Variants in TPST1 observed in about 807,000 individuals in gnomAD.
TPST1 encodes the protein protein-tyrosine sulfotransferase 1.
TPST1 carries 20 observed loss-of-function variants against 34.8 expected under a neutral mutation model. The ratio of observed to expected loss-of-function variants is 0.57; its 90% confidence interval spans 0.40 to 0.84. TPST1 has a LOEUF of 0.84. Among genes scored for constraint, TPST1 ranks in the 40% least tolerant of loss-of-function variants. The probability of loss-of-function intolerance (pLI) is 0.00; values close to 1 mark genes in which losing one functional copy is unlikely to be tolerated. For missense variants in TPST1, 353 were observed against 455.5 expected, an observed-to-expected ratio of 0.78 and a Z score of 2.05; for synonymous variants, 152 against 159.4, an observed-to-expected ratio of 0.95 and a Z score of 0.35.
chr7:66,307,361 G>T lies in TPST1; in HGVS notation c.1044+20652G>T, dbSNP rs369574635. Among the ~76,000 whole-genome samples the T allele has an allele frequency of 3.6e-4, 54 of 149,670 alleles. 5 individuals carry two copies. Among genetic ancestry groups the T allele is most frequent in the African/African-American group, 1.3e-3 (51 of 40,728 alleles). On this transcript the variant is annotated intron_variant, in intron 3 of 5. Transcript: ENST00000304842. Reference sequence around the variant, plus strand: ...TCTCGATCTCTTGACTTCGTGATCCGCCCGCCTCGGCCTCCCAAAGTGCTG... The same window carrying T: ...TCTCGATCTCTTGACTTCGTGATCCTCCCGCCTCGGCCTCCCAAAGTGCTG...
At chr7:66,321,227 G>GT (rs1791750680) in intron 3 of TPST1, among the ~76,000 whole-genome samples, 2 of 152,222 alleles carry the variant, frequency 1.3e-5, no homozygotes, top group Non-Finnish European at 2.9e-5. Flanking sequence ...GACAGGACAT[G>GT]TTTCATTTCC....
chr7:66,315,164 A>G (rs948149570), intron 3 of TPST1, among the ~76,000 whole-genome samples: 3 of 152,262 alleles, frequency 2.0e-5, no homozygotes, highest in Admixed American at 6.5e-5. Context: ...GAGTTTATCA[A>G]AGGAATGACT....
intron 3 of TPST1, among the ~76,000 whole-genome samples, chr7:66,330,553 A>G (rs920860849): frequency 5.3e-5 from 8 of 152,142 alleles, no homozygotes; most frequent in African/African-American, 1.4e-4. Context: ...CACATTTTCT[A>G]CCTTCCACAT....
intron 3 of TPST1, among the ~76,000 whole-genome samples, chr7:66,312,531 GCCTGATATA>G (rs1562839712): frequency 6.6e-6 from 1 of 152,062 alleles, no homozygotes; most frequent in African/African-American, 2.4e-5. Flanking sequence ...GATTACCAGT[GCCTGATATA>G]ATTTCTCCAA....
intron 3 of TPST1, among the ~76,000 whole-genome samples, chr7:66,294,129 CA>C (rs1791144107): frequency 6.6e-6 from 1 of 152,168 alleles, no homozygotes; most frequent in Admixed American, 6.6e-5. Context: ...CGTCCATCTC[CA>C]GAACATTTTT....
At chr7:66,351,508 G>A (rs1407145858) in intron 3 of TPST1, among the ~76,000 whole-genome samples, 2 of 152,138 alleles carry the variant, frequency 1.3e-5, no homozygotes, top group Admixed American at 6.5e-5. Flanking sequence ...AATGTTTAGA[G>A]CTATGTAATG....
At chr7:66,335,237 T>C (rs752243496) in intron 3 of TPST1, among the ~76,000 whole-genome samples, 3 of 152,078 alleles carry the variant, frequency 2.0e-5, no homozygotes, top group Non-Finnish European at 4.4e-5. Flanking sequence ...GGGTGGATAA[T>C]TTGAGCCCAG....
chr7:66,307,372 C>T (rs1791446644), intron 3 of TPST1, among the ~76,000 whole-genome samples: 1 of 152,044 alleles, frequency 6.6e-6, no homozygotes, highest in African/African-American at 2.4e-5. Context: ...CCCGCCTCGG[C>T]CTCCCAAAGT....
intron 2 of TPST1, among the ~76,000 whole-genome samples, chr7:66,281,498 A>G (rs994801795): frequency 6.6e-6 from 1 of 152,112 alleles, no homozygotes; most frequent in Admixed American, 6.5e-5. Flanking sequence ...TACTAATTCA[A>G]TTTAGGAACT....
At chr7:66,278,024 C>T (rs1162960885) in intron 2 of TPST1, among the ~76,000 whole-genome samples, 24 of 137,128 alleles carry the variant, frequency 1.8e-4, no homozygotes, top group African/African-American at 6.1e-4. Flanking sequence ...TGCTTGAGCC[C>T]ATGAGGTGGA....
intron 3 of TPST1, among the ~76,000 whole-genome samples, chr7:66,308,858 C>T (rs1393305506): frequency 1.3e-5 from 2 of 152,100 alleles, no homozygotes; most frequent in East Asian, 1.9e-4. Context: ...ATCAGTCATA[C>T]GTATTAAATA....
chr7:66,312,531 G>A (rs968146263), intron 3 of TPST1, among the ~76,000 whole-genome samples: 2 of 152,062 alleles, frequency 1.3e-5, no homozygotes, highest in African/African-American at 4.8e-5. Context: ...GATTACCAGT[G>A]CCTGATATAA....
At chr7:66,213,776 A>G (rs1457727437) in intron 1 of TPST1, among the ~76,000 whole-genome samples, 2 of 151,452 alleles carry the variant, frequency 1.3e-5, no homozygotes, top group African/African-American at 4.8e-5. Context: ...TGGCTACTTT[A>G]AAATCTCTGT....
chr7:66,202,829 T>A (rs1191652529), upstream of TPST1, among the ~76,000 whole-genome samples: 1 of 152,082 alleles, frequency 6.6e-6, no homozygotes, highest in Non-Finnish European at 1.5e-5. Context: ...ATCCCGTCAC[T>A]TTGGAAGGTG....
intron 1 of TPST1, among the ~76,000 whole-genome samples, chr7:66,226,930 G>T (rs1789667374): frequency 6.7e-6 from 1 of 149,584 alleles, no homozygotes; most frequent in Non-Finnish European, 1.5e-5. Context: ...ATCAATTAGT[G>T]CTACTTTTTG....
At chr7:66,348,132 G>A (rs934947353) in intron 3 of TPST1, among the ~76,000 whole-genome samples, 4 of 151,876 alleles carry the variant, frequency 2.6e-5, no homozygotes, top group African/African-American at 9.7e-5. Context: ...CATCCTATCT[G>A]TTAGGATATC....
chr7:66,214,079 G>C (rs1471399108), intron 1 of TPST1, among the ~76,000 whole-genome samples: 1 of 152,000 alleles, frequency 6.6e-6, no homozygotes, highest in Admixed American at 6.6e-5. Context: ...TTTACTTTTA[G>C]TATATTCATA....
chr7:66,265,100 T>C lies in TPST1; in HGVS notation c.846-21411T>C, dbSNP rs550693678. ...AGAAAGAAATTTGAAGGTAGTTCTATTGACTTTATCTAATTTGAAGAACAG... is the reference window on the plus strand; with the variant it reads ...AGAAAGAAATTTGAAGGTAGTTCTACTGACTTTATCTAATTTGAAGAACAG... On this transcript the variant is annotated intron_variant, in intron 2 of 5. Coordinates refer to ENST00000304842, the MANE Select transcript of TPST1 (RefSeq NM_003596.4). Among the ~76,000 whole-genome samples the C allele has an allele frequency of 2.0e-5, 3 of 152,276 alleles. No individual in the cohort carries two copies. The East Asian group carries it at 5.8e-4, about 29-fold the overall frequency.
At chr7:66,267,497 C>T (rs985822390) in intron 2 of TPST1, among the ~76,000 whole-genome samples, 1 of 151,748 alleles carries the variant, frequency 6.6e-6, no homozygotes, top group Non-Finnish European at 1.5e-5. Flanking sequence ...TGGCCAAACA[C>T]CAAGATGTTG....
Sources: allele counts gnomAD v4.1 joint callset (sites outside exome capture counted in the v4.1 genomes callset), GRCh38; gene constraint gnomAD v4.1.1; transcripts MANE v1.5; gene names NCBI Gene and HGNC (gene_info 2026-07-23, HGNC 2026-07-21).